DNAJC5B: variants seen among roughly 807,000 people sequenced by gnomAD.
The protein encoded by DNAJC5B is DnaJ heat shock protein family (Hsp40) member C5 beta.
DNAJC5B carries 23 observed loss-of-function variants against 24.7 expected under a neutral mutation model. The observed-to-expected ratio is 0.93, with a 90% confidence interval of 0.67 to 1.32. DNAJC5B has a LOEUF of 1.32. Ranked by LOEUF, DNAJC5B falls within the 40% of genes most tolerant of loss-of-function variation. The pLI is 0.00. For missense variants in DNAJC5B, 238 were observed against 240.8 expected (o/e 0.99, Z 0.08); for synonymous variants, 101 against 90.1 (o/e 1.12, Z -0.68).
At chr8:66,074,968 G>T (rs1210923730) in intron 3 of DNAJC5B, among the ~76,000 whole-genome samples, 1 of 152,218 alleles carries the variant, frequency 6.6e-6, no homozygotes, top group Non-Finnish European at 1.5e-5. Flanking sequence ...ATCTGCCCTT[G>T]TGAGCTGACA....
upstream of DNAJC5B, among the ~76,000 whole-genome samples, chr8:66,017,672 C>T (rs1306663552): frequency 6.6e-6 from 1 of 152,142 alleles, no homozygotes; most frequent in African/African-American, 2.4e-5. Flanking sequence ...GTTTAGCTCT[C>T]GTAACTGTTG....
upstream of DNAJC5B, among the ~76,000 whole-genome samples, chr8:66,020,928 T>C (rs1042977653): frequency 1.3e-5 from 2 of 152,124 alleles, no homozygotes; most frequent in African/African-American, 4.8e-5. Flanking sequence ...ATGAGCCATC[T>C]CGCCCTGCCA....
chr8:66,043,765 G>T (rs1250635728), intron 2 of DNAJC5B, among the ~76,000 whole-genome samples, 154 bp downstream of exon 2: 2 of 151,698 alleles, frequency 1.3e-5, no homozygotes, highest in African/African-American at 4.9e-5. Flanking sequence ...GTAACATTCT[G>T]ACTTGCCCCA....
chr8:66,017,063 A>T (rs561232318), upstream of DNAJC5B, among the ~76,000 whole-genome samples: 1 of 152,178 alleles, frequency 6.6e-6, no homozygotes, highest in East Asian at 1.9e-4. Context: ...TTCAGAGAAG[A>T]GCCACATAGA....
chr8:66,037,532 GGT>G (rs2128957292), intron 1 of DNAJC5B, among the ~76,000 whole-genome samples: 1 of 152,202 alleles, frequency 6.6e-6, no homozygotes, highest in South Asian at 2.1e-4. Context: ...GCCCCAAGAG[GGT>G]GTGTGTATGC....
intron 3 of DNAJC5B, among the ~76,000 whole-genome samples, chr8:66,054,777 A>G (rs1412699885): frequency 1.3e-5 from 2 of 152,184 alleles, no homozygotes; most frequent in Non-Finnish European, 2.9e-5. Context: ...CCCTAGACCT[A>G]TCCAGAGGCG....
intron 4 of DNAJC5B, among the ~76,000 whole-genome samples, chr8:66,079,540 T>G (rs1356252259): frequency 6.6e-6 from 1 of 151,856 alleles, no homozygotes; most frequent in Non-Finnish European, 1.5e-5. Flanking sequence ...AACTGGGAGG[T>G]GGACGTCCAG....
At chr8:66,067,624 A>G (rs1414159693) in intron 3 of DNAJC5B, among the ~76,000 whole-genome samples, 2 of 152,210 alleles carry the variant, frequency 1.3e-5, no homozygotes, top group Admixed American at 6.5e-5. Flanking sequence ...GCTAGCCATC[A>G]TTCCAGAAAT....
upstream of DNAJC5B, among the ~76,000 whole-genome samples, chr8:66,018,825 G>T (rs1327159733): frequency 1.3e-5 from 2 of 152,210 alleles, no homozygotes; most frequent in Non-Finnish European, 2.9e-5. Context: ...TGGAATTTAA[G>T]TGTTGACAAA....
At position 66,030,781 on chromosome 8, in the gene DNAJC5B, T is replaced by A. The variant is rs748396723; in HGVS notation, c.-142+9076T>A. ...CCTCCCGAGTAGCTGAGATTACAGG[T>A]GCCCACCACCATGCCCTGCTAATTT... On this transcript the variant is annotated intron_variant, in intron 1 of 5. Coordinates refer to ENST00000276570, the MANE Select transcript of DNAJC5B (RefSeq NM_033105.6). Among the ~76,000 whole-genome samples, 27 of 152,282 alleles carry A rather than the reference T, an allele frequency of 1.8e-4. No homozygotes were observed. The South Asian group carries it at 4.1e-3, about 23-fold the overall frequency.
intron 1 of DNAJC5B, among the ~76,000 whole-genome samples, chr8:66,026,515 G>C (rs1470773804): frequency 6.6e-6 from 1 of 152,258 alleles, no homozygotes; most frequent in Non-Finnish European, 1.5e-5. Context: ...GATCCTGAGA[G>C]AGCAGAGTCT....
rs184915870 is a variant in DNAJC5B at position 66,046,941 on chromosome 8, C to T, written c.-18+3330C>T. The stretch of plus-strand genomic sequence containing the variant: ...GGAAATAGCTATCCTTGGATGAAGA[C>T]CACTTGTGTCAACATGACCCATTCA... On this transcript the variant is annotated intron_variant, in intron 2 of 5. Transcript: ENST00000276570. Among the ~76,000 whole-genome samples the T allele has an allele frequency of 3.3e-5, 5 of 152,376 alleles. No individual in the cohort carries two copies. In the East Asian group the frequency reaches 9.6e-4, roughly 29 times the overall value.
chr8:66,015,939 T>C, the DNAJC5B span, among the ~76,000 whole-genome samples: 1 of 152,188 alleles, frequency 6.6e-6, no homozygotes, highest in Non-Finnish European at 1.5e-5. Context: ...GCTGAGGGCA[T>C]AATTGAGATT....
At chr8:66,046,676 C>A (rs569749482) in intron 2 of DNAJC5B, among the ~76,000 whole-genome samples, 1 of 152,338 alleles carries the variant, frequency 6.6e-6, no homozygotes, top group South Asian at 2.1e-4. Flanking sequence ...GGTATATGCC[C>A]GCTGCCCCTC....
At chr8:66,065,046 T>G (rs1807161211) in intron 3 of DNAJC5B, among the ~76,000 whole-genome samples, 2 of 152,158 alleles carry the variant, frequency 1.3e-5, no homozygotes, top group Admixed American at 1.3e-4. Context: ...CACATTCTAG[T>G]AAAAATGTGG....
intron 5 of DNAJC5B, among the ~76,000 whole-genome samples, chr8:66,084,100 A>T (rs995943206): frequency 1.1e-4 from 16 of 152,162 alleles, no homozygotes; most frequent in Non-Finnish European, 2.9e-5. Context: ...ATTTGCAGTT[A>T]GTTGTATTAG....
chr8:66,022,832 A>G (rs1481561141), intron 1 of DNAJC5B, among the ~76,000 whole-genome samples: 2 of 152,240 alleles, frequency 1.3e-5, no homozygotes, highest in Non-Finnish European at 2.9e-5. Flanking sequence ...GATTTTCACA[A>G]TTAGGTTATG....
At chr8:66,050,791 C>T (rs7006611) in intron 2 of DNAJC5B, among the ~76,000 whole-genome samples, 38,002 of 152,112 alleles carry the variant, frequency 0.25, 6,011 homozygotes, top group African/African-American at 0.42. Flanking sequence ...CTATATTCTT[C>T]AGTCCTAGGA....
At chr8:66,088,153 C>A (rs1005201876) in intron 5 of DNAJC5B, among the ~76,000 whole-genome samples, 1 of 152,198 alleles carries the variant, frequency 6.6e-6, no homozygotes, top group African/African-American at 2.4e-5. Context: ...GTCTTCTGCA[C>A]ACCAGGAGGC....
Sources: allele counts gnomAD v4.1 joint callset (sites outside exome capture counted in the v4.1 genomes callset), GRCh38; gene constraint gnomAD v4.1.1; transcripts MANE v1.5; gene names NCBI Gene and HGNC (gene_info 2026-07-23, HGNC 2026-07-21).